TUSC3: variants seen among roughly 807,000 people sequenced by gnomAD.
TUSC3 encodes dolichyl-diphosphooligosaccharide--protein glycosyltransferase subunit TUSC3.
TUSC3 carries 45 observed loss-of-function variants against 44.8 expected under a neutral mutation model. The ratio of observed to expected loss-of-function variants is 1.00; its 90% CI spans 0.79 to 1.29. TUSC3 has a LOEUF of 1.29. TUSC3 is among the 50% of genes most tolerant of loss of function. TUSC3 has a pLI of 0.00. For synonymous variants in TUSC3, 212 were observed against 152.9 expected (o/e 1.39, Z -2.85); for missense variants, 519 against 437.9 (o/e 1.19, Z -1.65).
At chr8:15,586,787 G>A (rs78006328) in intron 1 of TUSC3, among the ~76,000 whole-genome samples, 2,803 of 152,250 alleles carry the variant, frequency 0.018, 81 homozygotes, top group African/African-American at 0.064. Context: ...GGATCAGTAG[G>A]TGTTTAAGGG....
At chr8:15,658,553 A>T (rs1337522392) in intron 3 of TUSC3, among the ~76,000 whole-genome samples, 3 of 151,982 alleles carry the variant, frequency 2.0e-5, no homozygotes, top group Non-Finnish European at 4.4e-5. Context: ...CAAGGGCTGA[A>T]AAATCTCTTG....
chr8:15,843,406 T>C, the TUSC3 span, among the ~76,000 whole-genome samples: 20 of 152,226 alleles, frequency 1.3e-4, no homozygotes, highest in Non-Finnish European at 2.2e-4. Context: ...TGCAGAATGT[T>C]ATTTAACTCT....
chr8:15,531,262 A>G (rs1407562152), intron 2 of TUSC3, among the ~76,000 whole-genome samples: 1 of 151,928 alleles, frequency 6.6e-6, no homozygotes, highest in African/African-American at 2.4e-5. Flanking sequence ...CTCTAAAGCT[A>G]TTTATTTATT....
the TUSC3 span, among the ~76,000 whole-genome samples, chr8:15,829,016 C>CT: frequency 6.6e-6 from 1 of 152,168 alleles, no homozygotes; most frequent in South Asian, 2.1e-4. Context: ...TCCTGCCAAT[C>CT]TCCCCACTCA....
intron 8 of TUSC3, among the ~76,000 whole-genome samples, chr8:15,748,060 G>A (rs1267870755): frequency 6.6e-6 from 1 of 152,038 alleles, no homozygotes; most frequent in African/African-American, 2.4e-5. Flanking sequence ...TCACTCTGGG[G>A]CATGTTAGTA....
chr8:15,616,872 ACAGGCCAAG>A (rs1179780537), intron 1 of TUSC3, among the ~76,000 whole-genome samples: 3 of 152,152 alleles, frequency 2.0e-5, no homozygotes, highest in Non-Finnish European at 2.9e-5. Flanking sequence ...TGGCCCAGCC[ACAGGCCAAG>A]CATAGAACTG....
intron 1 of TUSC3, among the ~76,000 whole-genome samples, chr8:15,576,276 CTTGT>C (rs1220333392): frequency 3.0e-5 from 3 of 100,070 alleles, no homozygotes; most frequent in East Asian, 3.5e-4. Context: ...TCTTGGTCCT[CTTGT>C]TTTTTTTTTT....
intron 1 of TUSC3, among the ~76,000 whole-genome samples, chr8:15,613,847 G>A (rs1486036408): frequency 1.3e-5 from 2 of 152,024 alleles, no homozygotes; most frequent in Admixed American, 6.6e-5. Context: ...TGGGAATAGG[G>A]AGCTGAGATT....
Position 15,673,737 on chromosome 8 carries a change from T to C in TUSC3, c.709-10T>C. 1 of 1,606,472 alleles carries C rather than the reference T, an allele frequency of 6.2e-7. No homozygotes were observed. The highest frequency in any genetic ancestry group is 8.5e-7 in the Non-Finnish European group (1 of 1,173,492). Reference sequence around the variant, plus strand: ...GTTTACATATTGAAACACTGCACCCTGTTTTTCAGTGTATAGTCTTTGCTA... The same window carrying C: ...GTTTACATATTGAAACACTGCACCCCGTTTTTCAGTGTATAGTCTTTGCTA... On this transcript the variant is annotated splice_polypyrimidine_tract_variant and intron_variant, in intron 5 of 10. Transcript: ENST00000503731.
chr8:15,776,116 G>C, the TUSC3 span, among the ~76,000 whole-genome samples: 2 of 152,030 alleles, frequency 1.3e-5, no homozygotes, highest in Non-Finnish European at 2.9e-5. Flanking sequence ...GGAGAGGGTA[G>C]TAGCCTTGAA....
At chr8:15,469,602 T>A (rs1800457964) in intron 1 of TUSC3, among the ~76,000 whole-genome samples, 1 of 152,192 alleles carries the variant, frequency 6.6e-6, no homozygotes, top group Admixed American at 6.5e-5. Flanking sequence ...TCTTTTAAAA[T>A]TAAACATATT....
At chr8:15,803,180 G>A in the TUSC3 span, among the ~76,000 whole-genome samples, 1 of 151,186 alleles carries the variant, frequency 6.6e-6, no homozygotes, top group East Asian at 2.0e-4. Context: ...TTTCCAAATT[G>A]CCTAAAACGT....
chr8:15,680,912 G>A (rs1808400398), intron 6 of TUSC3, among the ~76,000 whole-genome samples: 1 of 152,052 alleles, frequency 6.6e-6, no homozygotes, highest in African/African-American at 2.4e-5. Flanking sequence ...AACCAACTTG[G>A]CATCCCAGAA....
intron 2 of TUSC3, among the ~76,000 whole-genome samples, chr8:15,492,505 A>T (rs896325373): frequency 2.6e-5 from 4 of 152,214 alleles, no homozygotes; most frequent in African/African-American, 7.2e-5. Flanking sequence ...TCTGACTTTA[A>T]GACTGCCCCA....
At chr8:15,662,346 T>C (rs1563160220) in intron 5 of TUSC3, 50 bp downstream of exon 5, 1 of 1,605,974 alleles carries the variant, frequency 6.2e-7, no homozygotes, top group South Asian at 1.1e-5. Context: ...TGTGTAATAA[T>C]ATAAGTTGTA....
intron 2 of TUSC3, among the ~76,000 whole-genome samples, chr8:15,488,947 T>A (rs1339338266): frequency 6.6e-6 from 1 of 152,192 alleles, no homozygotes; most frequent in East Asian, 1.9e-4. Context: ...ATGCTGACTT[T>A]GACCTTCCCC....
At chr8:15,576,416 A>C (rs1234942632) in intron 1 of TUSC3, among the ~76,000 whole-genome samples, 12 of 145,494 alleles carry the variant, frequency 8.2e-5, no homozygotes, top group Admixed American at 1.4e-4. Context: ...CCCACTAACT[A>C]GTCATCTAGC....
the TUSC3 span, among the ~76,000 whole-genome samples, chr8:15,804,009 T>G: frequency 9.5e-3 from 1,451 of 152,322 alleles, 30 homozygotes; most frequent in African/African-American, 0.033. Flanking sequence ...GCAATAAACA[T>G]ACGTGTGCAT....
chr8:15,645,732 C>G (rs1206698405), intron 2 of TUSC3, among the ~76,000 whole-genome samples: 1 of 151,954 alleles, frequency 6.6e-6, no homozygotes, highest in Non-Finnish European at 1.5e-5. Flanking sequence ...TCATTGTAAC[C>G]TTTGAGTCAT....
Sources: allele counts gnomAD v4.1 joint callset (sites outside exome capture counted in the v4.1 genomes callset), GRCh38; gene constraint gnomAD v4.1.1; transcripts MANE v1.5; gene names NCBI Gene and HGNC (gene_info 2026-07-23, HGNC 2026-07-21).